Variants in WNT11 observed in about 807,000 individuals in gnomAD.
The protein encoded by WNT11 is Wnt family member 11.
A neutral mutation model predicts 35.6 loss-of-function variants in WNT11; 20 were observed. The ratio of observed to expected loss-of-function variants is 0.56; its 90% CI spans 0.40 to 0.82. The LOEUF is 0.82. Among genes scored for constraint, WNT11 ranks in the 40% least tolerant of loss-of-function variants. The pLI is 0.00. For missense variants in WNT11, 459 were observed against 504.4 expected, an observed-to-expected ratio of 0.91 and a Z score of 0.86; for synonymous variants, 200 against 211.9, an observed-to-expected ratio of 0.94 and a Z score of 0.49.
At chr11:76,208,301 A>G (rs553828323), upstream of WNT11, among the ~76,000 whole-genome samples, 1 of 152,328 alleles carries the variant, frequency 6.6e-6, no homozygotes, top group African/African-American at 2.4e-5. Context: ...GAAGGCGAGG[A>G]GAAGCCTGGA....
Position 76,194,721 on chromosome 11 carries a change from G to A in WNT11, c.443C>T (p.Pro148Leu), listed in dbSNP as rs1486579697. 6.4e-7 allele frequency: 1 copy of A among 1,550,520 alleles called. No individual in the cohort carries two copies. The highest frequency in any genetic ancestry group is 1.2e-5 in the South Asian group (1 of 84,022). ...TCCTCCCCAGCGGTTCCCGGGCCCGGGTGGCTCACCTGGGACGGGGCCGCA... is the reference window on the plus strand; with the variant it reads ...TCCTCCCCAGCGGTTCCCGGGCCCGAGTGGCTCACCTGGGACGGGGCCGCA... ...CSCGPVPGEP[P>L]GPGNRWGGCA... The change falls in exon 3 of 5, where the codon CCC becomes CTC. Residue 148 changes from proline to leucine, a missense_variant. Transcript: ENST00000322563. The surrounding 1 kb of genome is among the most constrained non-coding windows in gnomAD (Gnocchi z 5.4).
At chr11:76,195,279 G>A (rs1953263562) in intron 2 of WNT11, among the ~76,000 whole-genome samples, 1 of 152,244 alleles carries the variant, frequency 6.6e-6, no homozygotes, top group African/African-American at 2.4e-5. Flanking sequence ...TTATGACGAA[G>A]TGGGGTCTTT....
At position 76,206,343 on chromosome 11, in the gene WNT11, C is replaced by A; in HGVS notation, c.65G>T (p.Cys22Phe). The A allele has an allele frequency of 6.4e-7, 1 of 1,574,386 alleles. No individual in the cohort carries two copies. Among genetic ancestry groups the A allele is most frequent in the Admixed American group, 1.8e-5 (1 of 55,308 alleles). The change falls in exon 1 of 5, where the codon TGC (cysteine) becomes TTC (phenylalanine). Residue 22 changes from cysteine (C) to phenylalanine (F), a missense_variant. Physicochemically the swap from Cys to Phe is radical, Grantham distance 205 (BLOSUM62 -2). Transcript: ENST00000322563. ...LFALALQTGVCYGIKWLALSK... is the reference protein window; with the variant it reads ...LFALALQTGVFYGIKWLALSK... ...TACTCACAGCCACTTGATGCCATAG[C>A]ACACGCCGGTCTGGAGCGCCAGGGC...
chr11:76,191,060 G>A (rs999257752), intron 4 of WNT11, among the ~76,000 whole-genome samples: 1 of 152,184 alleles, frequency 6.6e-6, no homozygotes, highest in Non-Finnish European at 1.5e-5. Context: ...GGACACAGGG[G>A]CAGTGTTGCT....
At chr11:76,206,632 G>C (rs1319580757), upstream of WNT11, 2 of 945,310 alleles carry the variant, frequency 2.1e-6, no homozygotes, top group Non-Finnish European at 2.7e-6. Flanking sequence ...GCTCCGCCCG[G>C]CCGGGGGACG....
chr11:76,210,501 C>A, upstream of WNT11: 1 of 985,258 alleles, frequency 1.0e-6, no homozygotes, highest in Non-Finnish European at 1.2e-6. Context: ...GCGCGCCCTG[C>A]GTGCCCGGGT....
intron 4 of WNT11, 103 bp downstream of exon 4, chr11:76,191,461 C>G (rs1389436622): frequency 2.2e-6 from 3 of 1,342,548 alleles, no homozygotes; most frequent in African/African-American, 1.4e-5. Context: ...GTCTCCATTC[C>G]CCACATGCCA....
chr11:76,191,698 C>T lies in WNT11; in HGVS notation c.756G>A (p.Met252Ile), dbSNP rs1953187086. ...LSATKVVHRP[M>I]GTRKHLVPKD... ...TGGGCACCAGGTGCTTGCGGGTGCC[C>T]ATGGGTCGGTGCACTACCTTGGTGG... The change falls in exon 4 of 5, where the codon ATG (methionine) becomes ATA (isoleucine). Residue 252 changes from methionine to isoleucine, a missense_variant. By Grantham distance (10) the Met-to-Ile change is conservative (BLOSUM62 1). Transcript: ENST00000322563. 2 of 1,613,962 alleles carry T rather than the reference C, an allele frequency of 1.2e-6. No homozygotes were observed.
intron 4 of WNT11, among the ~76,000 whole-genome samples, chr11:76,189,906 C>A (rs548442228): frequency 6.6e-6 from 1 of 152,282 alleles, no homozygotes; most frequent in East Asian, 1.9e-4. Flanking sequence ...TGCAAGGGTC[C>A]CCCTAGGGAA....
Position 76,194,622 on chromosome 11 carries a change from GTTT to G in WNT11, c.539_541del (p.Lys180del). On this transcript the variant is annotated inframe_deletion, in exon 3 of 5. Coordinates refer to ENST00000322563, the MANE Select transcript of WNT11 (RefSeq NM_004626.3). The surrounding 1 kb of genome is among the most constrained non-coding windows in gnomAD (Gnocchi z 5.4). ...CATCAGTTTATTGGCTTGGGATCCT[GTTT>G]TTTTCACCTTCATAGGAGCATCGGA... 6.4e-7 allele frequency: 1 copy of G among 1,550,522 alleles called. No individual in the cohort carries two copies. Among genetic ancestry groups the G allele is most frequent in the Non-Finnish European group, 8.7e-7 (1 of 1,146,956 alleles).
At chr11:76,210,153 G>C (rs1412888871), upstream of WNT11, among the ~76,000 whole-genome samples, 1 of 151,638 alleles carries the variant, frequency 6.6e-6, no homozygotes, top group Non-Finnish European at 1.5e-5. Flanking sequence ...GGAGGGGGTC[G>C]CCTGGGGTGC....
chr11:76,190,917 A>G (rs1953174800), intron 4 of WNT11: 1 of 152,312 alleles, frequency 6.6e-6, no homozygotes. Flanking sequence ...GTAGGTCTGC[A>G]GTCACCCCTG....
At chr11:76,198,796 G>A (rs1283272799) in intron 1 of WNT11, among the ~76,000 whole-genome samples, 3 of 152,154 alleles carry the variant, frequency 2.0e-5, no homozygotes, top group Non-Finnish European at 2.9e-5. Context: ...ACCTAGGTAA[G>A]TTATCCAACC....
Position 76,186,398 on chromosome 11 carries a change from C to A in WNT11, c.*667G>T, listed in dbSNP as rs1387555919. On this transcript the variant is annotated 3_prime_UTR_variant, in exon 5 of 5. Transcript: ENST00000322563. ...GTTCACTTGACGAGGCCGGGAACTG[C>A]AGGGGCGGGCTGGGGCTCACTCAGC... 1 of 152,034 alleles carries A rather than the reference C, an allele frequency of 6.6e-6. No individual in the cohort carries two copies. The highest frequency in any genetic ancestry group is 1.5e-5 in the Non-Finnish European group (1 of 68,016). 9.4% of individuals were successfully genotyped at this position (152,034 alleles called of 1,614,324 possible). A position where few individuals can be genotyped will look rare whatever the true frequency, so the allele number is the denominator to read the frequency against.
chr11:76,200,652 G>A (rs1953360370), intron 1 of WNT11, among the ~76,000 whole-genome samples: 1 of 152,198 alleles, frequency 6.6e-6, no homozygotes, highest in South Asian at 2.1e-4. Context: ...TGGTGAGGCT[G>A]TCAGTCCCTG....
chr11:76,206,774 A>AC (rs11432517), upstream of WNT11: 171,340 of 171,346 alleles, frequency 1, 85,667 homozygotes, highest in Middle Eastern at 1. Flanking sequence ...AGAACCGGAG[A>AC]CCCAGGAGAG....
chr11:76,194,786 G>A lies in WNT11; in HGVS notation c.378C>T (p.Ile126=), dbSNP rs368116189. 31 of 1,554,890 alleles carry A rather than the reference G, an allele frequency of 2.0e-5. No homozygotes were observed. Among genetic ancestry groups the A allele is most frequent in the East Asian group, 1.7e-4 (7 of 41,882 alleles). The change falls in exon 3 of 5, where the codon ATC becomes ATT. Residue 126 remains isoleucine (I), a synonymous_variant. Coordinates refer to ENST00000322563, the MANE Select transcript of WNT11 (RefSeq NM_004626.3). This position sits in a 1 kb window ranked among gnomAD's most constrained non-coding sequence, Gnocchi z 5.4. Reference sequence around the variant, plus strand: ...GGTCGCCGGAGGTGCAGGCCCGGGCGATGGCGTGGCTGATGGCGGCGGCCG... The same window carrying A: ...GGTCGCCGGAGGTGCAGGCCCGGGCAATGGCGTGGCTGATGGCGGCGGCCG... ...ALSAAAISHA[I]ARACTSGDLP...
intron 3 of WNT11, among the ~76,000 whole-genome samples, chr11:76,192,389 G>A (rs1477372114): frequency 6.6e-6 from 1 of 152,218 alleles, no homozygotes; most frequent in African/African-American, 2.4e-5. Flanking sequence ...AGGGTAGGAA[G>A]GGGAGAAGAG....
chr11:76,208,087 G>T (rs1231145952), upstream of WNT11, among the ~76,000 whole-genome samples: 2 of 152,204 alleles, frequency 1.3e-5, no homozygotes, highest in Non-Finnish European at 2.9e-5. Context: ...CCCCAGCCTC[G>T]GTGTCCCCTT....
Sources: gnomAD v4.1 joint callset for allele counts (sites outside exome capture counted in the v4.1 genomes callset) on GRCh38, gnomAD v4.1.1 for gene constraint, Gnocchi (gnomAD v3.1) non-coding constraint, MANE v1.5 for transcripts, NCBI Gene and HGNC (gene_info 2026-07-23, HGNC 2026-07-21) for gene names.